COL6A6: variants seen among roughly 807,000 people sequenced by gnomAD.
The protein encoded by COL6A6 is collagen alpha-6(VI) chain.
A neutral mutation model predicts 208.6 loss-of-function variants in COL6A6; 183 were observed. The observed-to-expected ratio is 0.88, with a 90% CI of 0.78 to 0.99. The LOEUF (loss-of-function observed/expected upper bound fraction) is 0.99. Ranked by LOEUF, COL6A6 falls within the 50% of genes least tolerant of loss-of-function variation. The pLI is 0.00. For missense variants in COL6A6, 2,816 were observed against 2,815.2 expected (o/e 1.00, Z -0.01); for synonymous variants, 973 against 1,011.8 (o/e 0.96, Z 0.73).
rs751683901 is a variant in COL6A6 at position 130,564,991 on chromosome 3, C to T, written c.662-3C>T. On this transcript the variant is annotated splice_polypyrimidine_tract_variant and splice_region_variant and intron_variant, in intron 3 of 36. Transcript: ENST00000358511. ...TTGTGCTTGTTTATTTCTTGCCACACAGCTTGCCAAGGCCCTTCTATGGCC... is the reference window on the plus strand; with the variant it reads ...TTGTGCTTGTTTATTTCTTGCCACATAGCTTGCCAAGGCCCTTCTATGGCC... 1.9e-6 allele frequency: 3 copies of T among 1,610,806 alleles called. No homozygotes were observed. In the East Asian group the frequency reaches 6.7e-5, roughly 36 times the overall value.
intron 1 of COL6A6, among the ~76,000 whole-genome samples, chr3:130,537,973 CAACTT>C (rs1461370038): frequency 2.6e-5 from 4 of 152,326 alleles, no homozygotes; most frequent in Admixed American, 1.3e-4. Flanking sequence ...AGAAAGAAGA[CAACTT>C]AAAGAAATTT....
chr3:130,587,618 C>A (rs1005403545), intron 11 of COL6A6, among the ~76,000 whole-genome samples: 1 of 152,220 alleles, frequency 6.6e-6, no homozygotes, highest in South Asian at 2.1e-4. Flanking sequence ...TGTGGCTCTA[C>A]TTCTACTTTA....
chr3:130,529,351 G>A (rs897111708), intron 1 of COL6A6, among the ~76,000 whole-genome samples: 1 of 150,874 alleles, frequency 6.6e-6, no homozygotes. Flanking sequence ...CTGATTTCAT[G>A]CATGTTAAAA....
At chr3:130,579,093 C>T (rs1278577312) in intron 8 of COL6A6, among the ~76,000 whole-genome samples, 1 of 152,206 alleles carries the variant, frequency 6.6e-6, no homozygotes, top group South Asian at 2.1e-4. Context: ...CCTATCCCAG[C>T]TAATAACTGC....
chr3:130,641,812 G>C (rs2065319598), intron 29 of COL6A6, 98 bp downstream of exon 29: 1 of 603,956 alleles, frequency 1.7e-6, no homozygotes, highest in Non-Finnish European at 2.8e-6. Context: ...CATGCCTTCT[G>C]TCTCTGCTTC....
chr3:130,668,499 C>T (rs2066132068), intron 36 of COL6A6, among the ~76,000 whole-genome samples: 1 of 151,906 alleles, frequency 6.6e-6, no homozygotes, highest in African/African-American at 2.4e-5. Flanking sequence ...AATCTAGCTT[C>T]AACTGCTTTC....
chr3:130,583,892 C>T (rs77599390), intron 10 of COL6A6, among the ~76,000 whole-genome samples: 3 of 152,230 alleles, frequency 2.0e-5, no homozygotes, highest in Non-Finnish European at 2.9e-5. Context: ...ATCTATTCAC[C>T]TAGGAAAGCT....
intron 8 of COL6A6, among the ~76,000 whole-genome samples, chr3:130,575,869 C>G (rs73868918): frequency 0.037 from 5,642 of 152,230 alleles, 384 homozygotes; most frequent in African/African-American, 0.13. Context: ...AACCAAGCCA[C>G]CTTTGTCTAA....
chr3:130,668,104 A>G (rs1458806424), intron 36 of COL6A6, among the ~76,000 whole-genome samples: 3 of 151,942 alleles, frequency 2.0e-5, no homozygotes, highest in East Asian at 1.9e-4. Context: ...ATTTAAATAT[A>G]TGAGTAATCA....
intron 10 of COL6A6, among the ~76,000 whole-genome samples, chr3:130,585,112 C>A (rs1054038374): frequency 2.0e-5 from 3 of 152,188 alleles, no homozygotes; most frequent in African/African-American, 7.2e-5. Flanking sequence ...TATTCTGGTT[C>A]ATTGGTACCC....
intron 11 of COL6A6, 130 bp downstream of exon 11, chr3:130,586,790 G>T (rs898519297): frequency 2.5e-6 from 2 of 813,142 alleles, no homozygotes; most frequent in Admixed American, 3.0e-5. Flanking sequence ...ATGAATTAGT[G>T]AACAGCCTAA....
chr3:130,627,357 C>T lies in COL6A6; in HGVS notation c.4980C>T (p.Arg1660=). 1 of 1,613,710 alleles carries T rather than the reference C, an allele frequency of 6.2e-7. No individual in the cohort carries two copies. The highest frequency in any genetic ancestry group is 8.5e-7 in the Non-Finnish European group (1 of 1,179,682). Reference sequence around the variant, plus strand: ...GTCCAGGTTATGGTAGTGTCGGACGCAAGGGAGCAAAGGTAAGTCAAGTCT... The same window carrying T: ...GTCCAGGTTATGGTAGTGTCGGACGTAAGGGAGCAAAGGTAAGTCAAGTCT... ...DGSPGYGSVG[R]KGAKGQEGFP... Residue 1660 remains arginine, a synonymous_variant, in exon 26 of 37, where the codon CGC becomes CGT. Coordinates refer to ENST00000358511, the MANE Select transcript of COL6A6 (RefSeq NM_001102608.3).
intron 1 of COL6A6, among the ~76,000 whole-genome samples, chr3:130,531,503 A>G (rs1473408631): frequency 1.3e-5 from 2 of 152,190 alleles, no homozygotes; most frequent in African/African-American, 4.8e-5. Context: ...TGCTGCCCAC[A>G]TAGCCTACAT....
intron 23 of COL6A6, among the ~76,000 whole-genome samples, chr3:130,612,393 C>T (rs1202999502): frequency 6.6e-6 from 1 of 152,180 alleles, no homozygotes; most frequent in Non-Finnish European, 1.5e-5. Flanking sequence ...TACAGTCCCA[C>T]CAGGAGTGTG....
At chr3:130,664,286 T>A (rs1445641311) in intron 35 of COL6A6, among the ~76,000 whole-genome samples, 1 of 152,166 alleles carries the variant, frequency 6.6e-6, no homozygotes, top group East Asian at 1.9e-4. Flanking sequence ...GGCCATTCAG[T>A]CCAGAGCACA....
At chr3:130,570,716 C>T (rs1304984208) in intron 6 of COL6A6, 102 bp from the exon 7 acceptor site, 2 of 812,496 alleles carry the variant, frequency 2.5e-6, no homozygotes, top group African/African-American at 1.7e-5. Flanking sequence ...ACAGCATGAT[C>T]CCCTTGGAGA....
intron 1 of COL6A6, among the ~76,000 whole-genome samples, chr3:130,553,439 C>T (rs796223748): frequency 2.6e-5 from 4 of 152,254 alleles, no homozygotes; most frequent in African/African-American, 9.6e-5. Flanking sequence ...GTTGATTCTG[C>T]TGTTAATACT....
intron 23 of COL6A6, 27 bp downstream of exon 23, chr3:130,610,738 C>A (rs1480502575): frequency 6.6e-7 from 1 of 1,513,444 alleles, no homozygotes; most frequent in Non-Finnish European, 9.0e-7. Flanking sequence ...ATGATTGCAT[C>A]TGACTTTGAT....
At chr3:130,594,436 C>T in intron 18 of COL6A6, 93 bp downstream of exon 18, 2 of 979,368 alleles carry the variant, frequency 2.0e-6, no homozygotes, top group Non-Finnish European at 3.1e-6. Flanking sequence ...CAATAGTAAC[C>T]CTGAGTTTAA....
Sources: allele counts gnomAD v4.1 joint callset (sites outside exome capture counted in the v4.1 genomes callset), GRCh38; gene constraint gnomAD v4.1.1; transcripts MANE v1.5; gene names NCBI Gene and HGNC (gene_info 2026-07-23, HGNC 2026-07-21).